The following TET3 variants were observed in gnomAD, a reference collection of about 807,000 sequenced individuals.
TET3 encodes the protein tet methylcytosine dioxygenase 3, also known as methylcytosine dioxygenase TET3.
In TET3, 19 loss-of-function variants were observed where a neutral mutation model predicts 141.4. The observed-to-expected ratio is 0.13, with a 90% CI of 0.09 to 0.20. The LOEUF (loss-of-function observed/expected upper bound fraction) is 0.20, where lower values mean the gene tolerates loss of function less well. TET3 is among the 10% of genes least tolerant of loss of function. The pLI, the probability that TET3 is intolerant of heterozygous loss-of-function variation, is 1.00. For synonymous variants in TET3, 1,043 were observed against 980.9 expected (o/e 1.06, Z -1.18); for missense variants, 1,874 against 2,356.9 (o/e 0.80, Z 4.24).
chr2:74,082,024 G>A (rs540096774), intron 6 of TET3, among the ~76,000 whole-genome samples: 2 of 151,636 alleles, frequency 1.3e-5, no homozygotes, highest in South Asian at 2.1e-4. Flanking sequence ...GAGAAAAGAC[G>A]TCAGCCGTAG....
chr2:74,060,777 C>G (rs1268345858), intron 4 of TET3, among the ~76,000 whole-genome samples: 1 of 152,204 alleles, frequency 6.6e-6, no homozygotes, highest in Non-Finnish European at 1.5e-5. Flanking sequence ...ACATCTTGCA[C>G]CGCCCTTAAT....
intron 2 of TET3, among the ~76,000 whole-genome samples, chr2:73,990,297 T>G (rs1447968391): frequency 6.6e-6 from 1 of 151,894 alleles, no homozygotes; most frequent in Admixed American, 6.6e-5. Flanking sequence ...GAGAATCGCC[T>G]GAGCCCACAG....
chr2:74,093,440 C>G lies in TET3; in HGVS notation c.3130-89C>G. The G allele has an allele frequency of 6.9e-7, 1 of 1,457,150 alleles. No individual in the cohort carries two copies. Among genetic ancestry groups the G allele is most frequent in the Non-Finnish European group, 9.1e-7 (1 of 1,097,276 alleles). 90.3% of individuals were successfully genotyped at this position (1,457,150 alleles called of 1,614,324 possible). Reference sequence around the variant, plus strand: ...CAAGGTGACTATCATCCTTAACATCCCTCCTTCCAAGACCTGGCCTCCCCA... The same window carrying G: ...CAAGGTGACTATCATCCTTAACATCGCTCCTTCCAAGACCTGGCCTCCCCA... On this transcript the variant is annotated intron_variant, in intron 9 of 11. Transcript: ENST00000409262. The surrounding 1 kb of genome is among the most constrained non-coding windows in gnomAD (Gnocchi z 4.2).
chr2:74,134,497 C>A, the TET3 span: 1 of 319,970 alleles, frequency 3.1e-6, no homozygotes, highest in Non-Finnish European at 6.3e-6. Flanking sequence ...TCTTCATGTC[C>A]TCATTTCTTA....
intron 3 of TET3, among the ~76,000 whole-genome samples, chr2:74,018,311 G>A (rs994793153): frequency 1.3e-5 from 2 of 152,004 alleles, no homozygotes; most frequent in Non-Finnish European, 2.9e-5. Context: ...AGCTTTCATC[G>A]TTATGAGGGT....
At chr2:74,094,614 A>T (rs1482377674) in intron 10 of TET3, among the ~76,000 whole-genome samples, 1 of 151,702 alleles carries the variant, frequency 6.6e-6, no homozygotes, top group Non-Finnish European at 1.5e-5. Context: ...GCGAAGGAGG[A>T]GGCTGGGGCA....
chr2:73,986,592 C>T lies in TET3; in HGVS notation c.189C>T (p.Cys63=), dbSNP rs1366730666. 5.7e-6 allele frequency: 7 copies of T among 1,232,168 alleles called. No homozygotes were observed. The East Asian group carries it at 1.6e-4, about 28-fold the overall frequency. 76.3% of individuals were successfully genotyped at this position (1,232,168 alleles called of 1,614,324 possible). The change falls in exon 2 of 12, where the codon TGC becomes TGT. Residue 63 remains cysteine (C), a synonymous_variant. Transcript: ENST00000409262. ...KRKRCGTCEP[C]RRLENCGACT... ...AACGGTGTGGTACTTGTGAGCCCTGCCGGCGGCTGGAAAACTGTGGCGCTT... is the reference window on the plus strand; with the variant it reads ...AACGGTGTGGTACTTGTGAGCCCTGTCGGCGGCTGGAAAACTGTGGCGCTT...
chr2:74,050,845 C>T (rs1288882023), intron 4 of TET3, among the ~76,000 whole-genome samples: 1 of 151,946 alleles, frequency 6.6e-6, no homozygotes, highest in Non-Finnish European at 1.5e-5. Context: ...AACCACTGCA[C>T]CCAGCCTATG....
intron 10 of TET3, among the ~76,000 whole-genome samples, chr2:74,095,588 T>G (rs1025798162): frequency 6.6e-6 from 1 of 152,264 alleles, no homozygotes; most frequent in African/African-American, 2.4e-5. Context: ...CAAATGTGTA[T>G]GTATGCACGA....
downstream of TET3, among the ~76,000 whole-genome samples, chr2:74,109,181 A>T (rs1411304383): frequency 6.6e-6 from 1 of 152,188 alleles, no homozygotes; most frequent in African/African-American, 2.4e-5. Context: ...GGGCCAGGAC[A>T]TTCCTCCTTC....
intron 4 of TET3, among the ~76,000 whole-genome samples, chr2:74,070,712 G>A (rs146250401): frequency 1.3e-5 from 2 of 152,296 alleles, no homozygotes; most frequent in East Asian, 3.9e-4. Context: ...AGTGTCTCAA[G>A]CCTGTAATCC....
At position 74,100,701 on chromosome 2, in the gene TET3, G is replaced by C; in HGVS notation, c.3913G>C (p.Ala1305Pro). ...VFPSQFLGPG[A>P]WGHSGSSGSF... ...CCCCTCTCAGTTCCTGGGTCCTGGT[G>C]CCTGGGGGCACAGTGGCAGCAGTGG... The change falls in exon 12 of 12, where the codon GCC (alanine) becomes CCC (proline). Residue 1305 changes from alanine (A) to proline (P), a missense_variant. Coordinates refer to ENST00000409262, the MANE Select transcript of TET3 (RefSeq NM_001287491.2). 1 of 1,614,006 alleles carries C rather than the reference G, an allele frequency of 6.2e-7. No homozygotes were observed. The highest frequency in any genetic ancestry group is 8.5e-7 in the Non-Finnish European group (1 of 1,179,884).
At chr2:74,126,889 G>T in the TET3 span, among the ~76,000 whole-genome samples, 37,018 of 152,070 alleles carry the variant, frequency 0.24, 4,991 homozygotes, top group East Asian at 0.41. Flanking sequence ...AAAATAATTT[G>T]CCATCTTTAT....
intron 3 of TET3, among the ~76,000 whole-genome samples, chr2:74,023,587 C>A (rs1158867742): frequency 6.6e-6 from 1 of 152,192 alleles, no homozygotes; most frequent in East Asian, 1.9e-4. Context: ...AGTTTTTCTG[C>A]ACCTTAATCC....
chr2:74,000,994 G>A (rs1684823480), intron 2 of TET3, among the ~76,000 whole-genome samples: 1 of 152,108 alleles, frequency 6.6e-6, no homozygotes, highest in Non-Finnish European at 1.5e-5. Flanking sequence ...TGAGGGCAGG[G>A]GTTTTGGGGA....
chr2:74,085,106 TTGAAATGATTAA>T (rs1451906837), intron 6 of TET3, among the ~76,000 whole-genome samples: 1 of 152,006 alleles, frequency 6.6e-6, no homozygotes, highest in Non-Finnish European at 1.5e-5. Flanking sequence ...ACGGTGTACT[TTGAAATGATTAA>T]AATGGTAAAT....
the TET3 span, among the ~76,000 whole-genome samples, chr2:74,119,479 T>C: frequency 8.5e-5 from 13 of 152,280 alleles, no homozygotes; most frequent in African/African-American, 3.1e-4. Context: ...TTAGAAATAC[T>C]ACCCAGATGA....
intron 8 of TET3, among the ~76,000 whole-genome samples, chr2:74,091,777 T>C (rs1392411306): frequency 6.6e-6 from 1 of 152,210 alleles, no homozygotes; most frequent in Non-Finnish European, 1.5e-5. Flanking sequence ...CGTGGTGTCC[T>C]AGGAGCCCTT....
At chr2:73,988,805 C>G (rs1038165292) in intron 2 of TET3, among the ~76,000 whole-genome samples, 8 of 152,040 alleles carry the variant, frequency 5.3e-5, no homozygotes, top group African/African-American at 1.9e-4. Context: ...TTCTGTGACT[C>G]AAAGAGCAGT....
Sources: gnomAD v4.1 joint callset for allele counts (sites outside exome capture counted in the v4.1 genomes callset) on GRCh38, gnomAD v4.1.1 for gene constraint, Gnocchi (gnomAD v3.1) non-coding constraint, MANE v1.5 for transcripts, NCBI Gene and HGNC (gene_info 2026-07-23, HGNC 2026-07-21) for gene names.